Variants in TRAK1 observed in about 807,000 individuals in gnomAD.
TRAK1 encodes the protein trafficking kinesin-binding protein 1.
In TRAK1, 33 loss-of-function variants were observed where a neutral mutation model predicts 92.1. That is an observed-to-expected ratio of 0.36 (90% CI 0.27 to 0.48). The LOEUF (loss-of-function observed/expected upper bound fraction) is 0.48, where lower values mean the gene tolerates loss of function less well. Among genes scored for constraint, TRAK1 ranks in the 20% least tolerant of loss-of-function variants. The pLI is 0.99. For missense variants in TRAK1, 1,123 were observed against 1,257.9 expected (o/e 0.89, Z 1.62); for synonymous variants, 521 against 517.3 (o/e 1.01, Z -0.10).
At position 42,079,009 on chromosome 3, in the gene TRAK1, T is replaced by C. The variant is rs546423616; in HGVS notation, c.-518-8095T>C. On this transcript the variant is annotated intron_variant, in intron 1 of 16. Coordinates refer to the TRAK1 transcript ENST00000487159. ...AGTCCTACAACCACAAGGAACTGAA[T>C]TAGACCGGCAACCTGAATAAGTGTG... Among the ~76,000 whole-genome samples, 3 of 152,254 alleles carry C rather than the reference T, an allele frequency of 2.0e-5. No homozygotes were observed. The East Asian group carries it at 5.8e-4, about 29-fold the overall frequency.
chr3:42,137,596 T>G (rs1251059943), intron 2 of TRAK1, among the ~76,000 whole-genome samples: 1 of 152,216 alleles, frequency 6.6e-6, no homozygotes, highest in Non-Finnish European at 1.5e-5. Flanking sequence ...GAGATCAACT[T>G]CTCAAACTTT....
intron 2 of TRAK1, among the ~76,000 whole-genome samples, chr3:42,158,653 T>A (rs1700843985): frequency 6.6e-6 from 1 of 151,058 alleles, no homozygotes; most frequent in Non-Finnish European, 1.5e-5. Context: ...TCTAAAAAAT[T>A]AACCAGAGGT....
intron 1 of TRAK1, among the ~76,000 whole-genome samples, chr3:42,022,491 G>T (rs1701755486): frequency 6.6e-6 from 1 of 152,168 alleles, no homozygotes; most frequent in Non-Finnish European, 1.5e-5. Flanking sequence ...GGAGGCCAAG[G>T]CGGGTGGATT....
upstream of TRAK1, among the ~76,000 whole-genome samples, chr3:42,083,951 G>A (rs1051526957): frequency 1.3e-5 from 2 of 152,016 alleles, no homozygotes; most frequent in Non-Finnish European, 2.9e-5. Context: ...ATGTAGAGAT[G>A]TGGGGATACC....
chr3:42,195,208 G>C (rs1706429891), intron 10 of TRAK1, among the ~76,000 whole-genome samples: 1 of 152,182 alleles, frequency 6.6e-6, no homozygotes, highest in African/African-American at 2.4e-5. Flanking sequence ...TTGCTTTAGT[G>C]GGAACCTGAG....
intron 2 of TRAK1, chr3:42,149,471 G>C (rs1452913655): frequency 6.5e-7 from 1 of 1,534,982 alleles, no homozygotes; most frequent in Non-Finnish European, 8.7e-7. Flanking sequence ...GGGAGGCATG[G>C]CAGCGTTTTA....
At chr3:42,124,865 G>T (rs888413378) in intron 1 of TRAK1, among the ~76,000 whole-genome samples, 1 of 152,128 alleles carries the variant, frequency 6.6e-6, no homozygotes, top group African/African-American at 2.4e-5. Flanking sequence ...GTGTTTCAAG[G>T]GCAGGACCAT....
At chr3:42,139,574 C>T (rs1158006785) in intron 2 of TRAK1, among the ~76,000 whole-genome samples, 9 of 152,184 alleles carry the variant, frequency 5.9e-5, no homozygotes, top group Non-Finnish European at 1.2e-4. Flanking sequence ...GGTACTCATA[C>T]TGGTCAGCAG....
chr3:42,210,459 C>G, intron 14 of TRAK1: 1 of 1,261,974 alleles, frequency 7.9e-7, no homozygotes, highest in Non-Finnish European at 9.9e-7. Flanking sequence ...CATCAGTGCC[C>G]TTCTTCCTGG....
chr3:42,072,072 C>T (rs560789710), intron 1 of TRAK1, among the ~76,000 whole-genome samples: 1 of 152,306 alleles, frequency 6.6e-6, no homozygotes, highest in African/African-American at 2.4e-5. Context: ...CTGAGAACTG[C>T]CTCCATCCTG....
chr3:42,040,692 TTTGAGACGGAGTCTCACTC>T (rs1480936512), intron 1 of TRAK1, among the ~76,000 whole-genome samples: 1 of 151,964 alleles, frequency 6.6e-6, no homozygotes, highest in Non-Finnish European at 1.5e-5. Context: ...TTTTTTTTTT[TTTGAGACGGAGTCTCACTC>T]TGTCACCCAG....
upstream of TRAK1, among the ~76,000 whole-genome samples, chr3:42,088,461 A>G (rs1704804332): frequency 6.6e-6 from 1 of 152,012 alleles, no homozygotes; most frequent in South Asian, 2.1e-4. Flanking sequence ...CCTTTTCTCT[A>G]CTGCATCATT....
At chr3:42,133,806 A>AT (rs1336262462) in intron 2 of TRAK1, among the ~76,000 whole-genome samples, 2 of 152,100 alleles carry the variant, frequency 1.3e-5, no homozygotes, top group African/African-American at 4.8e-5. Context: ...TGTTTAAACA[A>AT]TTTTTCAAAT....
At chr3:42,032,493 A>C (rs940810941) in intron 1 of TRAK1, among the ~76,000 whole-genome samples, 7 of 152,106 alleles carry the variant, frequency 4.6e-5, no homozygotes, top group Non-Finnish European at 7.4e-5. Flanking sequence ...AAAAAAAAAA[A>C]AAACCATCTT....
Position 42,091,431 on chromosome 3 carries a change from C to T in TRAK1, c.-39C>T, listed in dbSNP as rs768361964. On this transcript the variant is annotated 5_prime_UTR_variant, in exon 1 of 16. Coordinates refer to ENST00000327628, the MANE Select transcript of TRAK1 (RefSeq NM_001042646.3). ...GGGGCTGAGCTCTCATGGAGGCTCT[C>T]TCTGTTCTCTGAAGTGCCTTTGGAG... 1.7e-5 allele frequency: 27 copies of T among 1,594,490 alleles called. No homozygotes were observed. The highest frequency in any genetic ancestry group is 2.3e-5 in the Non-Finnish European group (27 of 1,164,720).
chr3:42,179,237 G>A (rs959315119), intron 3 of TRAK1, among the ~76,000 whole-genome samples: 1 of 152,204 alleles, frequency 6.6e-6, no homozygotes. Flanking sequence ...GCCTTTCCTT[G>A]GAACTAGGAG....
intron 14 of TRAK1, 50 bp from the exon 15 acceptor site, chr3:42,219,444 T>C (rs1026389307): frequency 1.2e-6 from 2 of 1,613,116 alleles, no homozygotes; most frequent in Non-Finnish European, 1.7e-6. Context: ...TTAATTTTTA[T>C]TGTGGTTGTA....
At chr3:42,099,550 G>A (rs1706435774) in intron 1 of TRAK1, among the ~76,000 whole-genome samples, 1 of 152,158 alleles carries the variant, frequency 6.6e-6, no homozygotes, top group African/African-American at 2.4e-5. Context: ...TTGGAAAGAC[G>A]ATGGTGAGCT....
At position 42,143,717 on chromosome 3, in the gene TRAK1, G is replaced by A. The variant is rs541194948; in HGVS notation, c.286+18103G>A. ...GATGGAGGAGTGTCAGGTCATGGTA[G>A]GGAGGAGGCTGCTTTTTCGGCTGCA... is the stretch of plus-strand genomic sequence containing the variant. On this transcript the variant is annotated intron_variant, in intron 2 of 15. Transcript: ENST00000327628. 8.5e-5 allele frequency among the ~76,000 whole-genome samples: 13 copies of A among 152,268 alleles called. No individual in the cohort carries two copies. The East Asian group carries it at 2.5e-3, about 29-fold the overall frequency.
Sources: gnomAD v4.1 joint callset for allele counts (sites outside exome capture counted in the v4.1 genomes callset) on GRCh38, gnomAD v4.1.1 for gene constraint, MANE v1.5 for transcripts, NCBI Gene and HGNC (gene_info 2026-07-23, HGNC 2026-07-21) for gene names.